Variants in GALNT18 observed in about 807,000 individuals in gnomAD.
The protein encoded by GALNT18 is polypeptide N-acetylgalactosaminyltransferase 18.
In GALNT18, 44 loss-of-function variants were observed where a neutral mutation model predicts 69.5. The observed-to-expected ratio is 0.63, with a 90% CI of 0.50 to 0.81. The LOEUF is 0.81. Among genes scored for constraint, GALNT18 ranks in the 40% least tolerant of loss-of-function variants. The pLI, the probability that GALNT18 is intolerant of heterozygous loss-of-function variation, is 0.00. For missense variants in GALNT18, 715 were observed against 810.0 expected, an observed-to-expected ratio of 0.88 and a Z score of 1.42; for synonymous variants, 364 against 318.2, an observed-to-expected ratio of 1.14 and a Z score of -1.53.
Position 11,372,739 on chromosome 11 carries a change from C to T in GALNT18, c.978-110G>A. 1.2e-6 allele frequency: 1 copy of T among 852,400 alleles called. No homozygotes were observed. The highest frequency in any genetic ancestry group is 1.9e-6 in the Non-Finnish European group (1 of 528,856). 52.8% of individuals were successfully genotyped at this position (852,400 alleles called of 1,614,324 possible). ...CTGGTTCTCTTCCTTCCTTTGCTGC[C>T]AGAGCCAGTGTGAGCCTTGTTCTTG... On this transcript the variant is annotated intron_variant, in intron 5 of 10. Transcript: ENST00000227756. The surrounding 1 kb of genome is among the most constrained non-coding windows in gnomAD (Gnocchi z 4.9).
rs141876589 is a variant in GALNT18, at chr11:11,604,063, C to T, written c.235+17296G>A. Among the ~76,000 whole-genome samples the T allele has an allele frequency of 8.0e-3, 1,211 of 152,272 alleles. 22 individuals are homozygous for T. Among genetic ancestry groups the T allele is most frequent in the African/African-American group, 0.028 (1,154 of 41,556 alleles). On this transcript the variant is annotated intron_variant, in intron 1 of 10. Coordinates refer to ENST00000227756, the MANE Select transcript of GALNT18 (RefSeq NM_198516.3). The surrounding 1 kb of genome is among the most constrained non-coding windows in gnomAD (Gnocchi z 5.6). ...ATGTGAAACACAAAGGTGCCATCTA[C>T]GAGCAAGAAATTGGGCCCTCACCAA... is the stretch of plus-strand genomic sequence containing the variant.
chr11:11,293,343 T>G, intron 9 of GALNT18, 150 bp from the exon 10 acceptor site: 1 of 469,154 alleles, frequency 2.1e-6, no homozygotes. Flanking sequence ...CAGATTATTT[T>G]CTATTGCAAT....
Position 11,586,066 on chromosome 11 carries a change from G to A in GALNT18, c.235+35293C>T, listed in dbSNP as rs1254784665. On this transcript the variant is annotated intron_variant, in intron 1 of 10. Coordinates refer to ENST00000227756, the MANE Select transcript of GALNT18 (RefSeq NM_198516.3). The surrounding 1 kb of genome is among the most constrained non-coding windows in gnomAD (Gnocchi z 4.1). ...GTGGTGGTCTGTGAACCCGGCAGTG[G>A]GCCCTTACCAAATGCTGAATCTGCT... Among the ~76,000 whole-genome samples the A allele has an allele frequency of 6.6e-6, 1 of 152,098 alleles. No homozygotes were observed. Among genetic ancestry groups the A allele is most frequent in the Non-Finnish European group, 1.5e-5 (1 of 68,020 alleles).
chr11:11,484,606 A>G, intron 1 of GALNT18, among the ~76,000 whole-genome samples: 1 of 151,674 alleles, frequency 6.6e-6, no homozygotes, highest in East Asian at 1.9e-4. Context: ...AAAAAAAAAA[A>G]AAAAAAAAAA....
At chr11:11,277,883 C>T (rs545145694) in intron 10 of GALNT18, among the ~76,000 whole-genome samples, 32 of 152,138 alleles carry the variant, frequency 2.1e-4, no homozygotes, top group African/African-American at 4.3e-4. Flanking sequence ...CTATGATTTC[C>T]GTTCTTTTGC....
intron 10 of GALNT18, among the ~76,000 whole-genome samples, chr11:11,281,773 CTGAAGGGATG>C (rs1171214005): frequency 6.6e-6 from 1 of 152,052 alleles, no homozygotes; most frequent in Non-Finnish European, 1.5e-5. Context: ...CATTGGCTGC[CTGAAGGGATG>C]TGGGAAGGAT....
rs529057555 is a variant in GALNT18, at chr11:11,326,246, G to A, written c.1512+840C>T. On this transcript the variant is annotated intron_variant, in intron 9 of 10. Transcript: ENST00000227756. ...TTTTTAGTAGAGATGGGGTTTCACC[G>A]TGTTAGCCAAGATGGTCTCGATCTC... 6.7e-4 allele frequency among the ~76,000 whole-genome samples: 102 copies of A among 151,960 alleles called. 1 individual carries two copies. In the South Asian group the frequency reaches 7.5e-3, roughly 11 times the overall value.
rs558110878 is a variant in GALNT18, at chr11:11,325,911, TCAG to T, written c.1512+1172_1512+1174del. Among the ~76,000 whole-genome samples, 253 of 152,262 alleles carry T rather than the reference TCAG, an allele frequency of 1.7e-3. 1 individual carries two copies. The highest frequency in any genetic ancestry group is 5.9e-3 in the African/African-American group (244 of 41,542). ...CGCAATGGACAATCCCTGGGAAGGC[TCAG>T]CATTCACACACAGAGTGACATACAC... On this transcript the variant is annotated intron_variant, in intron 9 of 10. Coordinates refer to ENST00000227756, the MANE Select transcript of GALNT18 (RefSeq NM_198516.3).
At chr11:11,566,091 T>A (rs1436585921) in intron 1 of GALNT18, among the ~76,000 whole-genome samples, 1 of 152,208 alleles carries the variant, frequency 6.6e-6, no homozygotes, top group East Asian at 1.9e-4. Flanking sequence ...AAGTTAGGGA[T>A]CACATATATT....
At position 11,315,299 on chromosome 11, in the gene GALNT18, C is replaced by G. The variant is rs1049469758; in HGVS notation, c.1512+11787G>C. ...TGGACCTAGCAAGGTCCATTCACTTCCTTTCAGTGGTGCCATCAGGAAAGA... is the reference window on the plus strand; with the variant it reads ...TGGACCTAGCAAGGTCCATTCACTTGCTTTCAGTGGTGCCATCAGGAAAGA... On this transcript the variant is annotated intron_variant, in intron 9 of 10. Coordinates refer to ENST00000227756, the MANE Select transcript of GALNT18 (RefSeq NM_198516.3). The surrounding 1 kb of genome is among the most constrained non-coding windows in gnomAD (Gnocchi z 5.6). Among the ~76,000 whole-genome samples, 3 of 152,128 alleles carry G rather than the reference C, an allele frequency of 2.0e-5. No homozygotes were observed. Among genetic ancestry groups the G allele is most frequent in the Admixed American group, 2.0e-4 (3 of 15,274 alleles).
At chr11:11,545,378 T>C (rs1285841498) in intron 1 of GALNT18, among the ~76,000 whole-genome samples, 2 of 152,208 alleles carry the variant, frequency 1.3e-5, no homozygotes, top group African/African-American at 4.8e-5. Context: ...AAAGAGGGCT[T>C]CCTTCTCCCA....
chr11:11,378,841 G>T (rs1364992539), intron 4 of GALNT18, among the ~76,000 whole-genome samples: 1 of 152,120 alleles, frequency 6.6e-6, no homozygotes, highest in African/African-American at 2.4e-5. Context: ...ATGTCACCAT[G>T]CATATTAGGC....
chr11:11,389,454 A>G lies in GALNT18; in HGVS notation c.596-10190T>C, dbSNP rs1854129365. On this transcript the variant is annotated intron_variant, in intron 3 of 10. Transcript: ENST00000227756. This position sits in a 1 kb window ranked among gnomAD's most constrained non-coding sequence, Gnocchi z 4.3. The stretch of plus-strand genomic sequence containing the variant: ...CCTTTGTACTTCCTGGGGCTGTGTG[A>G]GGAGGAAAATCCTGTAAAGTAAAGG... Among the ~76,000 whole-genome samples, 1 of 152,228 alleles carries G rather than the reference A, an allele frequency of 6.6e-6. No individual in the cohort carries two copies. The highest frequency in any genetic ancestry group is 2.1e-4 in the South Asian group (1 of 4,830).
chr11:11,410,739 T>C (rs1010915780), intron 3 of GALNT18, among the ~76,000 whole-genome samples: 2 of 152,192 alleles, frequency 1.3e-5, no homozygotes, highest in African/African-American at 4.8e-5. Flanking sequence ...TGTCTAATTT[T>C]ATGGCTCAGA....
Position 11,461,697 on chromosome 11 carries a change from A to G in GALNT18, c.236-12761T>C, listed in dbSNP as rs1419297777. 1.3e-5 allele frequency among the ~76,000 whole-genome samples: 2 copies of G among 152,220 alleles called. No individual in the cohort carries two copies. Among genetic ancestry groups the G allele is most frequent in the Non-Finnish European group, 2.9e-5 (2 of 68,042 alleles). On this transcript the variant is annotated intron_variant, in intron 1 of 10. Coordinates refer to ENST00000227756, the MANE Select transcript of GALNT18 (RefSeq NM_198516.3). This position sits in a 1 kb window ranked among gnomAD's most constrained non-coding sequence, Gnocchi z 4.1. ...TCTATTGGAATGAACAAGCCGGACC[A>G]ACCCTGCTAATGTTAAAGAGGCATG... is the stretch of plus-strand genomic sequence containing the variant.
intron 1 of GALNT18, among the ~76,000 whole-genome samples, chr11:11,501,846 G>A (rs1038128049): frequency 4.6e-5 from 7 of 152,128 alleles, no homozygotes; most frequent in East Asian, 1.9e-4. Context: ...TGACTGCCTC[G>A]CCTGGGAAGG....
chr11:11,351,757 T>C (rs1302098151), intron 6 of GALNT18, among the ~76,000 whole-genome samples: 1 of 13,652 alleles, frequency 7.3e-5, no homozygotes, highest in African/African-American at 1.1e-4. Flanking sequence ...TGGGGAGCAA[T>C]TTTCTTTTTT....
chr11:11,381,153 C>T (rs1390393829), intron 3 of GALNT18, among the ~76,000 whole-genome samples: 3 of 152,258 alleles, frequency 2.0e-5, no homozygotes, highest in Non-Finnish European at 2.9e-5. Flanking sequence ...ATATGTCTCA[C>T]ACTTACAAGG....
intron 1 of GALNT18, among the ~76,000 whole-genome samples, chr11:11,504,777 T>A (rs915740944): frequency 4.3e-5 from 6 of 138,074 alleles, no homozygotes; most frequent in African/African-American, 1.6e-4. Flanking sequence ...ATATATATAT[T>A]GGGTTATGGA....
Sources: gnomAD v4.1 joint callset for allele counts (sites outside exome capture counted in the v4.1 genomes callset) on GRCh38, gnomAD v4.1.1 for gene constraint, Gnocchi (gnomAD v3.1) non-coding constraint, MANE v1.5 for transcripts, NCBI Gene and HGNC (gene_info 2026-07-23, HGNC 2026-07-21) for gene names.